The following KLHL42 variants were observed in gnomAD, a reference collection of about 807,000 sequenced individuals.
KLHL42 encodes the protein kelch like family member 42, also known as kelch-like protein 42.
Under a neutral mutation model 32.7 loss-of-function variants are expected in KLHL42, and 27 were observed. The observed-to-expected ratio is 0.83, with a 90% CI of 0.61 to 1.14. KLHL42 has a LOEUF of 1.14. Among genes scored for constraint, KLHL42 ranks in the 50% most tolerant of loss-of-function variants. The probability of loss-of-function intolerance (pLI) is 0.00; values close to 1 mark genes in which losing one functional copy is unlikely to be tolerated. For missense variants in KLHL42, 491 were observed against 560.8 expected (o/e 0.88, Z 1.26); for synonymous variants, 267 against 248.2 (o/e 1.08, Z -0.71).
At chr12:27,786,102 C>G (rs1288963471) in intron 1 of KLHL42, among the ~76,000 whole-genome samples, 1 of 152,134 alleles carries the variant, frequency 6.6e-6, no homozygotes, top group Non-Finnish European at 1.5e-5. Flanking sequence ...GTAAATTGCT[C>G]AAGGATGTGT....
At chr12:27,792,005 G>A in intron 2 of KLHL42, 104 bp downstream of exon 2, 2 of 913,124 alleles carry the variant, frequency 2.2e-6, no homozygotes, top group East Asian at 2.4e-5. Context: ...CGAGTGTCAT[G>A]TTATGCTTTA....
intron 1 of KLHL42, among the ~76,000 whole-genome samples, chr12:27,789,501 C>T (rs2062187293): frequency 6.6e-6 from 1 of 152,278 alleles, no homozygotes; most frequent in South Asian, 2.1e-4. Flanking sequence ...ACTTTAACTG[C>T]CTATTCATTG....
At position 27,798,223 on chromosome 12, in the gene KLHL42, G is replaced by A. The variant is rs2062229008; in HGVS notation, c.*57G>A. The stretch of plus-strand genomic sequence containing the variant: ...GTTCAAGTTTTTTTTAAAATGTGGT[G>A]TCCCATTCCAAGGGAGACCAATTCC... On this transcript the variant is annotated 3_prime_UTR_variant, in exon 3 of 3. Transcript: ENST00000381271. 1.4e-6 allele frequency: 1 copy of A among 720,720 alleles called. No homozygotes were observed. The highest frequency in any genetic ancestry group is 2.5e-6 in the Non-Finnish European group (1 of 397,356). The allele number at this position is 720,720 out of a possible 1,614,324, so 44.6% of individuals were successfully genotyped here. A position where few individuals can be genotyped will look rare whatever the true frequency, so the allele number is the denominator to read the frequency against.
At chr12:27,785,300 A>G (rs542205616) in intron 1 of KLHL42, among the ~76,000 whole-genome samples, 1 of 152,288 alleles carries the variant, frequency 6.6e-6, no homozygotes, top group Non-Finnish European at 1.5e-5. Flanking sequence ...CTTGGGCTCA[A>G]GCAATCCTCC....
chr12:27,782,381 G>GAA (rs1174660930), intron 1 of KLHL42, among the ~76,000 whole-genome samples: 6 of 152,050 alleles, frequency 3.9e-5, no homozygotes, highest in African/African-American at 9.7e-5. Flanking sequence ...AAAGAATGAA[G>GAA]AAGCAAAAAG....
chr12:27,797,418 G>C (rs1243005884), intron 2 of KLHL42: 1 of 521,686 alleles, frequency 1.9e-6, no homozygotes, highest in Non-Finnish European at 3.7e-6. Context: ...GTGGTTCAAA[G>C]GTGTGGGGAT....
chr12:27,795,983 G>A (rs566533346), intron 2 of KLHL42, among the ~76,000 whole-genome samples: 3 of 152,284 alleles, frequency 2.0e-5, no homozygotes, highest in South Asian at 2.1e-4. Flanking sequence ...TTATTGGTTC[G>A]GTGGACAGCC....
At chr12:27,784,043 A>G (rs2062160483) in intron 1 of KLHL42, among the ~76,000 whole-genome samples, 1 of 151,858 alleles carries the variant, frequency 6.6e-6, no homozygotes, top group Admixed American at 6.6e-5. Flanking sequence ...GCGTGCATGT[A>G]TCTTAGTAGC....
rs1295469503 is a variant in KLHL42, at chr12:27,799,354, CATAG to C, written c.*1191_*1194del. On this transcript the variant is annotated 3_prime_UTR_variant, in exon 3 of 3. Transcript: ENST00000381271. Reference sequence around the variant, plus strand: ...GTTAACAATAAAAGCTTCTGCCAATCATAGATCAACATTCCTCAAAAATACATAC... The same window carrying C: ...GTTAACAATAAAAGCTTCTGCCAATCATCAACATTCCTCAAAAATACATAC... The C allele has an allele frequency of 6.6e-6, 1 of 152,206 alleles. No homozygotes were observed. The highest frequency in any genetic ancestry group is 2.4e-5 in the African/African-American group (1 of 41,456). The allele number at this position is 152,206 out of a possible 1,614,324, so 9.4% of individuals were successfully genotyped here.
rs141857190 is a variant in KLHL42, at chr12:27,797,792, C to T, written c.1144C>T (p.Arg382Cys). Residue 382 changes from arginine to cysteine, a missense_variant, in exon 3 of 3, where the codon CGC (arginine) becomes TGC (cysteine). By Grantham distance (180) the Arg-to-Cys change is radical. Around this residue, in one of 4 missense-constraint regions of KLHL42, gnomAD observed 152 missense variants for 125.9 expected, o/e 1.21. Coordinates refer to ENST00000381271, the MANE Select transcript of KLHL42 (RefSeq NM_020782.2). ...TLFETCDVHI[R>C]KQQMVSVEET... ...CTTTGAAACATGTGACGTCCACATT[C>T]GCAAGCAGCAGATGGTGTCTGTGGA... The T allele has an allele frequency of 2.6e-6, 2 of 760,248 alleles. No individual in the cohort carries two copies. 47.1% of individuals were successfully genotyped at this position (760,248 alleles called of 1,614,324 possible).
At chr12:27,785,890 A>G (rs984852137) in intron 1 of KLHL42, among the ~76,000 whole-genome samples, 1 of 152,376 alleles carries the variant, frequency 6.6e-6, no homozygotes, top group East Asian at 1.9e-4. Flanking sequence ...TTGTAACACT[A>G]TAGTGAACAT....
In KLHL42 at chr12:27,797,752, C is replaced by T. The variant is rs768261865; in HGVS notation, c.1104C>T (p.Ser368=). ...NMNILQYCPS[S]DMWTLFETCD... is the part of the protein sequence containing the mutation. ...ACATTTTGCAGTACTGCCCCTCTTC[C>T]GACATGTGGACGCTCTTTGAAACAT... The change falls in exon 3 of 3, where the codon TCC becomes TCT. Residue 368 remains serine, a synonymous_variant. Transcript: ENST00000381271. 8 of 719,834 alleles carry T rather than the reference C, an allele frequency of 1.1e-5. No homozygotes were observed. Among genetic ancestry groups the T allele is most frequent in the Non-Finnish European group, 1.8e-5 (7 of 387,544 alleles). 44.6% of individuals were successfully genotyped at this position (719,834 alleles called of 1,614,324 possible). A position where few individuals can be genotyped will look rare whatever the true frequency, so the allele number is the denominator to read the frequency against.
In KLHL42 at chr12:27,793,471, G is replaced by T. The variant is rs56181623; in HGVS notation, c.1066+1570G>T. ...GACAGGAGGATTGCTTGAGCCAGGG[G>T]TTTGAGGCTGCAGTGAGCTATGACT... On this transcript the variant is annotated intron_variant, in intron 2 of 2. Transcript: ENST00000381271. Among the ~76,000 whole-genome samples the T allele has an allele frequency of 1.8e-3, 281 of 152,138 alleles. 1 individual carries two copies. The highest frequency in any genetic ancestry group is 6.4e-3 in the African/African-American group (267 of 41,486).
intron 1 of KLHL42, among the ~76,000 whole-genome samples, chr12:27,789,356 C>CT: frequency 6.6e-6 from 1 of 152,182 alleles, no homozygotes; most frequent in Admixed American, 6.5e-5. Context: ...GGACTCATAA[C>CT]CTTTAGCAGT....
chr12:27,793,413 T>C (rs978114343), intron 2 of KLHL42, among the ~76,000 whole-genome samples: 1 of 151,878 alleles, frequency 6.6e-6, no homozygotes, highest in Non-Finnish European at 1.5e-5. Context: ...TGTGGTGGCA[T>C]GTACCTGTAG....
rs2347222 is a variant in KLHL42, at chr12:27,784,143, T to G, written c.872+2941T>G. On this transcript the variant is annotated intron_variant, in intron 1 of 2. Transcript: ENST00000381271. ...GTGTTTTTTTTTTTTGTTTTTGTTT[T>G]TTTTTTTTGGGGACGGAGTCTCGTT... 3.3e-3 allele frequency among the ~76,000 whole-genome samples: 492 copies of G among 150,876 alleles called. 4 individuals are homozygous for G. The Middle Eastern group carries it at 0.041, about 13-fold the overall frequency.
In KLHL42 at chr12:27,801,747, G is replaced by A. The variant is rs2062248446; in HGVS notation, c.*3581G>A. The A allele has an allele frequency of 6.6e-6, 1 of 152,196 alleles. No homozygotes were observed. The highest frequency in any genetic ancestry group is 1.5e-5 in the Non-Finnish European group (1 of 68,042). The allele number at this position is 152,196 out of a possible 1,614,324, so 9.4% of individuals were successfully genotyped here. On this transcript the variant is annotated 3_prime_UTR_variant, in exon 3 of 3. Transcript: ENST00000381271. ...ATTTGCCATCCCTGCCTTAGACAGA[G>A]GAGTGAAAGAATTAAGTGGGTAGAC...
intron 1 of KLHL42, 80 bp from the exon 2 acceptor site, chr12:27,791,628 A>G (rs1435536842): frequency 1.7e-6 from 2 of 1,198,348 alleles, no homozygotes; most frequent in Non-Finnish European, 2.4e-6. Context: ...TGTTCAGGAG[A>G]GTCTAGTAGT....
rs867100547 is a variant in KLHL42 at position 27,791,790 on chromosome 12, C to A, written c.955C>A (p.Pro319Thr). 1.2e-6 allele frequency: 2 copies of A among 1,614,152 alleles called. No individual in the cohort carries two copies. The highest frequency in any genetic ancestry group is 1.7e-6 in the Non-Finnish European group (2 of 1,180,000). The change falls in exon 2 of 3, where the codon CCC becomes ACC. Residue 319 changes from proline (P) to threonine (T), a missense_variant. By Grantham distance (38) the Pro-to-Thr change is conservative. This residue lies in a region of KLHL42 where 248 missense variants were observed against 329.2 expected (regional missense o/e 0.75). Coordinates refer to ENST00000381271, the MANE Select transcript of KLHL42 (RefSeq NM_020782.2). ...QAVSNVECYN[P>T]EQDAWNFVAP... Reference sequence around the variant, plus strand: ...CGTTTCTAACGTTGAGTGTTACAACCCCGAGCAGGATGCGTGGAATTTTGT... The same window carrying A: ...CGTTTCTAACGTTGAGTGTTACAACACCGAGCAGGATGCGTGGAATTTTGT...
Sources: allele counts gnomAD v4.1 joint callset (sites outside exome capture counted in the v4.1 genomes callset), GRCh38; gene constraint gnomAD v4.1.1; regional missense constraint gnomAD v4.1.1; transcripts MANE v1.5; gene names NCBI Gene and HGNC (gene_info 2026-07-23, HGNC 2026-07-21).